The following CSTPP1 variants were observed in gnomAD, a reference collection of about 807,000 sequenced individuals.
CSTPP1 encodes the protein centriolar satellite-associated tubulin polyglutamylase complex regulator 1.
the CSTPP1 span, among the ~76,000 whole-genome samples, chr11:47,158,353 A>AG: frequency 6.6e-6 from 1 of 151,410 alleles, no homozygotes; most frequent in African/African-American, 2.4e-5. Flanking sequence ...GAAAAAAAAA[A>AG]TCTGATTAAT....
chr11:47,052,305 T>C, the CSTPP1 span: 5 of 1,497,248 alleles, frequency 3.3e-6, no homozygotes, highest in Middle Eastern at 1.8e-4. Context: ...TTGGCAGTGG[T>C]TCTCTCTGGT....
At chr11:47,161,821 G>A in the CSTPP1 span, 2 of 1,401,482 alleles carry the variant, frequency 1.4e-6, no homozygotes, top group Non-Finnish European at 1.9e-6. Context: ...CCCGGAAGGT[G>A]AATGGCCTGC....
At chr11:47,044,614 G>A in the CSTPP1 span, among the ~76,000 whole-genome samples, 1 of 152,116 alleles carries the variant, frequency 6.6e-6, no homozygotes, top group African/African-American at 2.4e-5. Flanking sequence ...ATAGGGAATG[G>A]CAAAGAAGCA....
chr11:47,030,082 G>A, the CSTPP1 span, among the ~76,000 whole-genome samples: 3 of 152,074 alleles, frequency 2.0e-5, no homozygotes, highest in Admixed American at 6.6e-5. Flanking sequence ...AGCTATGATC[G>A]TACTACTGTA....
At chr11:46,992,108 T>C in the CSTPP1 span, among the ~76,000 whole-genome samples, 23 of 152,304 alleles carry the variant, frequency 1.5e-4, no homozygotes, top group Non-Finnish European at 2.5e-4. Context: ...AGATGTTAGC[T>C]AAATATTTAT....
the CSTPP1 span, among the ~76,000 whole-genome samples, chr11:47,144,823 G>A: frequency 6.6e-6 from 1 of 152,074 alleles, no homozygotes; most frequent in Non-Finnish European, 1.5e-5. Context: ...AGAGTCACCT[G>A]CAGGGCTTGT....
the CSTPP1 span, among the ~76,000 whole-genome samples, chr11:47,046,660 C>CTTTTTTT: frequency 7.3e-3 from 586 of 79,778 alleles, 4 homozygotes; most frequent in African/African-American, 8.1e-3. Context: ...ATCTTCTTTT[C>CTTTTTTT]TTTTTTTTTT....
chr11:47,130,758 T>C, the CSTPP1 span: 1 of 152,194 alleles, frequency 6.6e-6, no homozygotes, highest in Admixed American at 6.6e-5. Context: ...TTGGAAGGGG[T>C]GGTGTGGTCA....
chr11:47,012,107 TAA>T, the CSTPP1 span, among the ~76,000 whole-genome samples: 19 of 140,814 alleles, frequency 1.3e-4, no homozygotes, highest in East Asian at 2.0e-4. Flanking sequence ...GTACCTCGTT[TAA>T]AAAAAAAAAA....
the CSTPP1 span, among the ~76,000 whole-genome samples, chr11:47,106,091 A>G: frequency 6.6e-6 from 1 of 152,132 alleles, no homozygotes; most frequent in Admixed American, 6.6e-5. Context: ...TTGTCACACT[A>G]GTTCCTTTTA....
chr11:47,080,783 C>G, the CSTPP1 span, among the ~76,000 whole-genome samples: 1 of 151,974 alleles, frequency 6.6e-6, no homozygotes. Flanking sequence ...CCGAGGCAGG[C>G]AGATTGCTTG....
At chr11:47,164,334 G>A in the CSTPP1 span, 3 of 1,420,444 alleles carry the variant, frequency 2.1e-6, no homozygotes, top group Admixed American at 5.4e-5. Context: ...AGGCCCTGCA[G>A]GGGCTTTATT....
chr11:47,029,741 T>C, the CSTPP1 span, among the ~76,000 whole-genome samples: 1 of 151,908 alleles, frequency 6.6e-6, no homozygotes, highest in Non-Finnish European at 1.5e-5. Flanking sequence ...CAGTTTGTGC[T>C]GCATAGTTGG....
the CSTPP1 span, among the ~76,000 whole-genome samples, chr11:47,127,950 C>T: frequency 6.6e-6 from 1 of 151,890 alleles, no homozygotes; most frequent in African/African-American, 2.4e-5. Context: ...GATCTTGGCT[C>T]ACTGCAACCT....
At chr11:47,058,955 A>G in the CSTPP1 span, among the ~76,000 whole-genome samples, 2 of 152,364 alleles carry the variant, frequency 1.3e-5, no homozygotes, top group African/African-American at 4.8e-5. Context: ...ATGCCCATCA[A>G]TGATAGACTG....
chr11:47,139,078 C>CTATATCA, the CSTPP1 span, among the ~76,000 whole-genome samples: 2 of 150,240 alleles, frequency 1.3e-5, no homozygotes, highest in African/African-American at 4.9e-5. Context: ...CCTACCTTCC[C>CTATATCA]TATATCATAC....
chr11:47,151,537 T>A, the CSTPP1 span, among the ~76,000 whole-genome samples: 3 of 151,388 alleles, frequency 2.0e-5, no homozygotes, highest in East Asian at 5.8e-4. Flanking sequence ...TCAAGAGAAA[T>A]TTCAGCAATA....
the CSTPP1 span, among the ~76,000 whole-genome samples, chr11:47,083,940 A>ATG: frequency 4.6e-5 from 7 of 152,228 alleles, no homozygotes; most frequent in African/African-American, 1.7e-4. Context: ...TTATGGATGT[A>ATG]TGTTTTCATT....
chr11:46,949,224 A>T, the CSTPP1 span, among the ~76,000 whole-genome samples: 1 of 152,254 alleles, frequency 6.6e-6, no homozygotes, highest in African/African-American at 2.4e-5. Context: ...ATTAATTAAT[A>T]TACGTCTAGT....
Sources: gnomAD v4.1 joint callset for allele counts (sites outside exome capture counted in the v4.1 genomes callset) on GRCh38, gnomAD v4.1.1 for gene constraint, MANE v1.5 for transcripts, NCBI Gene and HGNC (gene_info 2026-07-23, HGNC 2026-07-21) for gene names.